The following SPAG16 variants were observed in gnomAD, a reference collection of about 807,000 sequenced individuals.
The protein encoded by SPAG16 is sperm associated antigen 16, also known as sperm-associated antigen 16 protein.
Under a neutral mutation model 80.4 loss-of-function variants are expected in SPAG16, and 86 were observed. That is an observed-to-expected ratio of 1.07 (90% CI 0.90 to 1.28). The LOEUF (loss-of-function observed/expected upper bound fraction) is 1.28, where lower values mean the gene tolerates loss of function less well. Ranked by LOEUF, SPAG16 falls within the 50% of genes most tolerant of loss-of-function variation. SPAG16 has a pLI of 0.00. For synonymous variants in SPAG16, 294 were observed against 265.9 expected, an observed-to-expected ratio of 1.11 and a Z score of -1.03; for missense variants, 870 against 765.3, an observed-to-expected ratio of 1.14 and a Z score of -1.61.
chr2:213,933,577 A>C (rs1455599129), intron 12 of SPAG16, among the ~76,000 whole-genome samples: 1 of 152,222 alleles, frequency 6.6e-6, no homozygotes, highest in East Asian at 1.9e-4. Context: ...GAAACAGCCA[A>C]AATGTTACTG....
At chr2:213,985,856 A>G (rs1356558982) in intron 12 of SPAG16, among the ~76,000 whole-genome samples, 2 of 152,114 alleles carry the variant, frequency 1.3e-5, no homozygotes, top group Non-Finnish European at 2.9e-5. Context: ...GAACTCAGAG[A>G]AAGAGCAGAG....
intron 11 of SPAG16, among the ~76,000 whole-genome samples, chr2:213,872,612 C>T (rs79920728): frequency 0.011 from 1,607 of 152,062 alleles, 31 homozygotes; most frequent in African/African-American, 0.037. Flanking sequence ...TGGCTCGAAC[C>T]TCCAGTGCAA....
intron 13 of SPAG16, among the ~76,000 whole-genome samples, chr2:214,023,284 A>T (rs941119673): frequency 4.6e-5 from 7 of 151,870 alleles, no homozygotes; most frequent in Non-Finnish European, 8.8e-5. Context: ...TTTCAGAGTA[A>T]TATTAACAAC....
intron 9 of SPAG16, among the ~76,000 whole-genome samples, chr2:213,446,426 T>A (rs1240607908): frequency 2.0e-5 from 3 of 152,186 alleles, no homozygotes; most frequent in African/African-American, 7.2e-5. Flanking sequence ...AAAAAGTCAC[T>A]ACAGGAATTT....
intron 9 of SPAG16, among the ~76,000 whole-genome samples, chr2:213,456,538 T>G (rs2072024400): frequency 6.6e-6 from 1 of 152,240 alleles, no homozygotes; most frequent in Non-Finnish European, 1.5e-5. Context: ...TAATAGATTT[T>G]CATTTGAGTT....
chr2:213,603,215 G>A (rs927752334), intron 10 of SPAG16, among the ~76,000 whole-genome samples: 1 of 152,182 alleles, frequency 6.6e-6, no homozygotes, highest in African/African-American at 2.4e-5. Context: ...ACTTCATAAG[G>A]TAAGGGACAG....
intron 12 of SPAG16, among the ~76,000 whole-genome samples, chr2:213,952,050 G>C (rs1251464759): frequency 2.6e-5 from 4 of 152,072 alleles, no homozygotes; most frequent in African/African-American, 9.7e-5. Flanking sequence ...ATTACTTATG[G>C]ACAATCACTG....
At chr2:213,711,704 G>A (rs2065995116) in intron 10 of SPAG16, among the ~76,000 whole-genome samples, 1 of 151,854 alleles carries the variant, frequency 6.6e-6, no homozygotes, top group Non-Finnish European at 1.5e-5. Context: ...ATTTTTACTA[G>A]AGATGGGATT....
At chr2:214,248,201 GA>G (rs1689987590) in intron 15 of SPAG16, among the ~76,000 whole-genome samples, 1 of 151,506 alleles carries the variant, frequency 6.6e-6, no homozygotes, top group Middle Eastern at 3.2e-3. Flanking sequence ...CATCTAACAA[GA>G]GTGCTGGAAC....
chr2:214,355,688 A>T (rs1360130877), intron 15 of SPAG16, among the ~76,000 whole-genome samples: 1 of 151,744 alleles, frequency 6.6e-6, no homozygotes, highest in Admixed American at 6.6e-5. Flanking sequence ...TACCCAAAAG[A>T]CTATAAATCA....
intron 15 of SPAG16, among the ~76,000 whole-genome samples, chr2:214,380,190 T>C (rs1252220150): frequency 1.3e-5 from 2 of 152,202 alleles, no homozygotes; most frequent in Non-Finnish European, 2.9e-5. Context: ...AGACCAAACC[T>C]ATAGTAATGG....
chr2:213,416,578 G>A (rs1469255506), intron 9 of SPAG16, among the ~76,000 whole-genome samples: 2 of 151,606 alleles, frequency 1.3e-5, no homozygotes, highest in African/African-American at 4.9e-5. Flanking sequence ...CACAGCACTT[G>A]GGTAAAATAT....
intron 15 of SPAG16, among the ~76,000 whole-genome samples, chr2:214,260,728 A>G (rs1691080950): frequency 6.6e-6 from 1 of 152,124 alleles, no homozygotes; most frequent in Admixed American, 6.5e-5. Flanking sequence ...CCTCAAACAC[A>G]TAGTGCCTGG....
rs150554674 is a variant in SPAG16, at chr2:213,612,449, C to T, written c.1070+122359C>T. Among the ~76,000 whole-genome samples the T allele has an allele frequency of 4.3e-3, 653 of 152,172 alleles. 4 individuals are homozygous for T. Among genetic ancestry groups the T allele is most frequent in the African/African-American group, 0.015 (602 of 41,516 alleles). ...AGACACCACGCTGAATTCCACCTGC[C>T]TACTTTGTGTCATCACTTAGATATC... On this transcript the variant is annotated intron_variant, in intron 10 of 15. Coordinates refer to ENST00000331683, the MANE Select transcript of SPAG16 (RefSeq NM_024532.5).
intron 13 of SPAG16, among the ~76,000 whole-genome samples, chr2:214,062,013 ACACACACG>A (rs2050285838): frequency 6.7e-6 from 1 of 149,946 alleles, no homozygotes; most frequent in South Asian, 2.1e-4. Flanking sequence ...ACACACACAC[ACACACACG>A]CAGTGTGTAG....
At chr2:213,948,172 A>G (rs976304910) in intron 12 of SPAG16, among the ~76,000 whole-genome samples, 1 of 152,130 alleles carries the variant, frequency 6.6e-6, no homozygotes, top group African/African-American at 2.4e-5. Context: ...GTTGGAGACT[A>G]TCGTTTCCTA....
chr2:213,319,740 T>C (rs1192525691), intron 5 of SPAG16, among the ~76,000 whole-genome samples: 1 of 151,996 alleles, frequency 6.6e-6, no homozygotes, highest in African/African-American at 2.4e-5. Flanking sequence ...TTAGCTCCAG[T>C]GACATTGAAT....
chr2:214,110,472 T>A (rs1171982404), intron 14 of SPAG16, among the ~76,000 whole-genome samples: 1 of 152,216 alleles, frequency 6.6e-6, no homozygotes, highest in Non-Finnish European at 1.5e-5. Context: ...GAGCTCATCC[T>A]TTTTTATGGC....
intron 15 of SPAG16, among the ~76,000 whole-genome samples, chr2:214,401,917 TAAAG>T (rs1270170069): frequency 4.0e-5 from 6 of 151,886 alleles, no homozygotes; most frequent in Non-Finnish European, 8.8e-5. Context: ...TTTCTGAACA[TAAAG>T]AAATTTAAAG....
Sources: allele counts gnomAD v4.1 joint callset (sites outside exome capture counted in the v4.1 genomes callset), GRCh38; gene constraint gnomAD v4.1.1; transcripts MANE v1.5; gene names NCBI Gene and HGNC (gene_info 2026-07-23, HGNC 2026-07-21).